Variants in TMTC1 observed in about 807,000 individuals in gnomAD.
The protein encoded by TMTC1 is transmembrane O-mannosyltransferase targeting cadherins 1, also known as protein O-mannosyl-transferase TMTC1.
A neutral mutation model predicts 104.8 loss-of-function variants in TMTC1; 73 were observed. The ratio of observed to expected loss-of-function variants is 0.70; its 90% CI spans 0.58 to 0.85. TMTC1 has a LOEUF of 0.85. Ranked by LOEUF, TMTC1 falls within the 40% of genes least tolerant of loss-of-function variation. TMTC1 has a pLI of 0.00. For synonymous variants in TMTC1, 434 were observed against 428.7 expected (o/e 1.01, Z -0.15); for missense variants, 1,035 against 1,096.1 (o/e 0.94, Z 0.79).
chr12:29,737,631 G>T (rs1190759309), intron 5 of TMTC1, among the ~76,000 whole-genome samples: 1 of 152,202 alleles, frequency 6.6e-6, no homozygotes, highest in Non-Finnish European at 1.5e-5. Context: ...GTTCTTTCTA[G>T]AAGTTGCTCC....
chr12:29,579,108 T>C (rs1459610857), intron 8 of TMTC1, among the ~76,000 whole-genome samples: 1 of 152,152 alleles, frequency 6.6e-6, no homozygotes, highest in Non-Finnish European at 1.5e-5. Context: ...TGAGCAGATG[T>C]TTCAGCCACG....
At chr12:29,588,180 C>G (rs1946190076) in intron 7 of TMTC1, among the ~76,000 whole-genome samples, 1 of 152,212 alleles carries the variant, frequency 6.6e-6, no homozygotes, top group South Asian at 2.1e-4. Context: ...AAACCCCCAC[C>G]ACAAGCACTG....
intron 5 of TMTC1, among the ~76,000 whole-genome samples, chr12:29,656,277 T>G (rs1319452986): frequency 6.7e-6 from 1 of 149,128 alleles, no homozygotes; most frequent in Admixed American, 6.7e-5. Context: ...CTCAGAGGAA[T>G]GAGAAAAGCT....
intron 5 of TMTC1, among the ~76,000 whole-genome samples, chr12:29,721,647 CAATAACAACATAAAAGATTTA>C (rs1208292855): frequency 6.6e-6 from 1 of 151,894 alleles, no homozygotes; most frequent in African/African-American, 2.4e-5. Context: ...TCAAAAAGAT[CAATAACAACATAAAAGATTTA>C]AATAACACCA....
intron 1 of TMTC1, among the ~76,000 whole-genome samples, chr12:29,773,647 T>G (rs1266652579): frequency 6.6e-6 from 1 of 152,100 alleles, no homozygotes; most frequent in Non-Finnish European, 1.5e-5. Context: ...CTGGAATAAA[T>G]TTTAGCAAAA....
chr12:29,538,456 T>C (rs1944704733), intron 10 of TMTC1, among the ~76,000 whole-genome samples: 1 of 152,154 alleles, frequency 6.6e-6, no homozygotes. Context: ...CAAAGGAAGG[T>C]ATGGACTTTG....
chr12:29,644,391 A>G (rs1939174038), intron 5 of TMTC1, among the ~76,000 whole-genome samples: 1 of 151,776 alleles, frequency 6.6e-6, no homozygotes, highest in Non-Finnish European at 1.5e-5. Flanking sequence ...GAGGGATAAA[A>G]GACTACAAAT....
chr12:29,768,403 AT>A (rs1790424001), intron 1 of TMTC1, among the ~76,000 whole-genome samples: 3 of 152,156 alleles, frequency 2.0e-5, no homozygotes, highest in Non-Finnish European at 2.9e-5. Context: ...TAATATTCTT[AT>A]TTTCACTGCT....
At chr12:29,629,817 T>C (rs1938203641) in intron 6 of TMTC1, among the ~76,000 whole-genome samples, 1 of 152,252 alleles carries the variant, frequency 6.6e-6, no homozygotes, top group African/African-American at 2.4e-5. Flanking sequence ...GTTAATTGTA[T>C]GTTATATAAC....
At chr12:29,534,300 C>T (rs1043119162) in intron 11 of TMTC1, 5 of 152,354 alleles carry the variant, frequency 3.3e-5, no homozygotes, top group African/African-American at 9.6e-5. Flanking sequence ...TTATGCTCAA[C>T]AGCTGCTTCA....
intron 5 of TMTC1, among the ~76,000 whole-genome samples, chr12:29,650,087 CTT>C (rs561950425): frequency 2.1e-5 from 3 of 142,642 alleles, no homozygotes; most frequent in African/African-American, 5.1e-5. Flanking sequence ...CTTTTCTTTT[CTT>C]TTTTTTTTTT....
intron 7 of TMTC1, among the ~76,000 whole-genome samples, chr12:29,592,983 T>C (rs2136360439): frequency 6.6e-6 from 1 of 152,332 alleles, no homozygotes; most frequent in Admixed American, 6.5e-5. Flanking sequence ...TTAGGTACAG[T>C]GGAACACAAA....
At chr12:29,544,566 G>A (rs886923484) in intron 10 of TMTC1, among the ~76,000 whole-genome samples, 13 of 152,166 alleles carry the variant, frequency 8.5e-5, no homozygotes, top group African/African-American at 3.1e-4. Flanking sequence ...TCACTGCTCT[G>A]CACCCAGGCA....
At chr12:29,662,873 C>CA (rs1199715536) in intron 5 of TMTC1, among the ~76,000 whole-genome samples, 2 of 152,100 alleles carry the variant, frequency 1.3e-5, no homozygotes, top group East Asian at 3.9e-4. Context: ...ACGAGGAGTC[C>CA]AAAAAACACA....
intron 10 of TMTC1, among the ~76,000 whole-genome samples, chr12:29,551,088 A>T (rs1010904541): frequency 6.6e-6 from 1 of 152,128 alleles, no homozygotes; most frequent in African/African-American, 2.4e-5. Flanking sequence ...GGTCACTACC[A>T]CAGGGGTGCA....
At chr12:29,617,523 G>A (rs1185857706) in intron 6 of TMTC1, among the ~76,000 whole-genome samples, 1 of 136,378 alleles carries the variant, frequency 7.3e-6, no homozygotes, top group Non-Finnish European at 1.6e-5. Context: ...ACATCAGTAA[G>A]CAAAACAGAC....
rs199929682 is a variant in TMTC1 at position 29,704,961 on chromosome 12, GA to G, written c.938+46704del. Among the ~76,000 whole-genome samples, 13 of 152,306 alleles carry G rather than the reference GA, an allele frequency of 8.5e-5. No individual in the cohort carries two copies. In the East Asian group the frequency reaches 2.3e-3, roughly 27 times the overall value. On this transcript the variant is annotated intron_variant, in intron 5 of 17. Coordinates refer to ENST00000539277, the MANE Select transcript of TMTC1 (RefSeq NM_001193451.2). The stretch of plus-strand genomic sequence containing the variant: ...TAAAACTATTTATATGTTATATGAA[GA>G]AAAGCTAGAAAATGTGAGGGTGTTT...
intron 6 of TMTC1, among the ~76,000 whole-genome samples, chr12:29,624,644 A>G (rs1291174967): frequency 6.6e-6 from 1 of 152,110 alleles, no homozygotes; most frequent in Non-Finnish European, 1.5e-5. Context: ...CACATGGCTC[A>G]CCCTTGCACT....
At chr12:29,740,683 T>C (rs1340106718) in intron 5 of TMTC1, among the ~76,000 whole-genome samples, 1 of 152,202 alleles carries the variant, frequency 6.6e-6, no homozygotes, top group East Asian at 1.9e-4. Context: ...TCTCTCTATG[T>C]TGCCAGGCCT....
Sources: gnomAD v4.1 joint callset for allele counts (sites outside exome capture counted in the v4.1 genomes callset) on GRCh38, gnomAD v4.1.1 for gene constraint, MANE v1.5 for transcripts, NCBI Gene and HGNC (gene_info 2026-07-23, HGNC 2026-07-21) for gene names.